The following PCDHA2 variants were observed in gnomAD, a reference collection of about 807,000 sequenced individuals.
PCDHA2 encodes protocadherin alpha-2.
A neutral mutation model predicts 66.0 loss-of-function variants in PCDHA2; 58 were observed. The ratio of observed to expected loss-of-function variants is 0.88; its 90% CI spans 0.71 to 1.09. The LOEUF (loss-of-function observed/expected upper bound fraction) is 1.09, where lower values mean the gene tolerates loss of function less well. Ranked by LOEUF, PCDHA2 falls within the 50% of genes least tolerant of loss-of-function variation. PCDHA2 has a pLI of 0.00. For synonymous variants in PCDHA2, 634 were observed against 554.0 expected (o/e 1.14, Z -2.03); for missense variants, 1,267 against 1,242.3 (o/e 1.02, Z -0.30).
chr5:140,970,222 C>T (rs1270140969), intron 1 of PCDHA2, among the ~76,000 whole-genome samples: 2 of 152,134 alleles, frequency 1.3e-5, no homozygotes, highest in Non-Finnish European at 2.9e-5. Context: ...TAAATGCAGC[C>T]TGTAATCTTC....
rs782673398 is a variant in PCDHA2, at chr5:140,875,932, C to A, written c.2388+78580C>A. ...TGCGCCTCTGGACTCTCATTTTCCTCTAGAGGGCGCTTCTGATGCGGATAT... is the reference window on the plus strand; with the variant it reads ...TGCGCCTCTGGACTCTCATTTTCCTATAGAGGGCGCTTCTGATGCGGATAT... On this transcript the variant is annotated intron_variant, in intron 1 of 3. Coordinates refer to ENST00000526136, the MANE Select transcript of PCDHA2 (RefSeq NM_018905.3). The A allele has an allele frequency of 3.1e-6, 5 of 1,614,154 alleles. No individual in the cohort carries two copies.
rs574855184 is a variant in PCDHA2 at position 140,890,340 on chromosome 5, G to C, written c.2389-88609G>C. ...TTTAAGATATTAGGTAGTTGGGATG[G>C]TTTACTATATAGCAATGGATAACCT... On this transcript the variant is annotated intron_variant, in intron 1 of 3. Coordinates refer to ENST00000526136, the MANE Select transcript of PCDHA2 (RefSeq NM_018905.3). 9.1e-4 allele frequency among the ~76,000 whole-genome samples: 139 copies of C among 152,222 alleles called. 2 individuals are homozygous for C. The Middle Eastern group carries it at 0.017, about 19-fold the overall frequency.
At position 140,876,037 on chromosome 5, in the gene PCDHA2, A is replaced by G. The variant is rs1554168212; in HGVS notation, c.2388+78685A>G. On this transcript the variant is annotated intron_variant, in intron 1 of 3. Transcript: ENST00000526136. ...TAAAATAAAAACAAAAAAAGATAAA[A>G]GTATATTGCCTGAATTAGTTCTTCG... is the stretch of plus-strand genomic sequence containing the variant. 1.9e-6 allele frequency: 3 copies of G among 1,613,766 alleles called. No homozygotes were observed. Among genetic ancestry groups the G allele is most frequent in the South Asian group, 2.2e-5 (2 of 91,050 alleles).
intron 1 of PCDHA2, among the ~76,000 whole-genome samples, chr5:140,933,844 G>A (rs2089450133): frequency 6.6e-6 from 1 of 151,910 alleles, no homozygotes; most frequent in South Asian, 2.1e-4. Context: ...TTTCATTCCT[G>A]TACCTTTAAT....
chr5:140,841,750 A>G (rs1554138520), intron 1 of PCDHA2: 6 of 1,613,798 alleles, frequency 3.7e-6, no homozygotes, highest in Non-Finnish European at 5.1e-6. Context: ...TGTTTGTTTC[A>G]GAATCCAGAA....
chr5:141,009,298 T>C (rs1196659486), intron 3 of PCDHA2, among the ~76,000 whole-genome samples: 1 of 152,130 alleles, frequency 6.6e-6, no homozygotes, highest in Non-Finnish European at 1.5e-5. Context: ...CTATAAAATT[T>C]TTTTTAAAAA....
At chr5:140,887,204 C>T (rs1438790748) in intron 1 of PCDHA2, among the ~76,000 whole-genome samples, 7 of 151,828 alleles carry the variant, frequency 4.6e-5, no homozygotes, top group African/African-American at 1.5e-4. Flanking sequence ...TCACGCCATT[C>T]TCCTGCCTCA....
intron 1 of PCDHA2, chr5:140,882,358 G>A: frequency 1.9e-6 from 3 of 1,614,232 alleles, no homozygotes; most frequent in Non-Finnish European, 2.5e-6. Context: ...GTAGTGGCCA[G>A]CTCCACTACT....
intron 1 of PCDHA2, among the ~76,000 whole-genome samples, chr5:140,955,510 T>G (rs1554221967): frequency 6.6e-6 from 1 of 152,154 alleles, no homozygotes; most frequent in Non-Finnish European, 1.5e-5. Context: ...AAAGACGTGT[T>G]TGCTTTCCCT....
intron 1 of PCDHA2, chr5:140,836,978 G>A (rs1774847497): frequency 2.7e-6 from 1 of 370,178 alleles, no homozygotes; most frequent in Admixed American, 4.2e-5. Context: ...TCCATTTTTG[G>A]AGGAGGACTT....
intron 1 of PCDHA2, chr5:140,809,212 G>T (rs781882644): frequency 2.5e-6 from 4 of 1,614,036 alleles, no homozygotes; most frequent in South Asian, 1.1e-5. Flanking sequence ...GTGGACAGGC[G>T]CCAAAGGCCT....
rs200597765 is a variant in PCDHA2, at chr5:140,848,761, G to T, written c.2388+51409G>T. 1.1e-5 allele frequency: 18 copies of T among 1,593,344 alleles called. 1 individual carries two copies. The highest frequency in any genetic ancestry group is 1.0e-4 in the Admixed American group (6 of 59,114). On this transcript the variant is annotated intron_variant, in intron 1 of 3. Coordinates refer to ENST00000526136, the MANE Select transcript of PCDHA2 (RefSeq NM_018905.3). ...AATGGCATTTTGTTTGTGAATTCTCGGATCGACCGCGAGGAGCTGTGCGGG... is the reference window on the plus strand; with the variant it reads ...AATGGCATTTTGTTTGTGAATTCTCTGATCGACCGCGAGGAGCTGTGCGGG...
At chr5:140,928,641 G>A in intron 1 of PCDHA2, 1 of 1,614,196 alleles carries the variant, frequency 6.2e-7, no homozygotes, top group Non-Finnish European at 8.5e-7. Context: ...TCACAAAAGT[G>A]GTAGCAGAGG....
chr5:140,867,596 G>C (rs1388910756), intron 1 of PCDHA2: 2 of 152,076 alleles, frequency 1.3e-5, no homozygotes, highest in African/African-American at 2.4e-5. Context: ...TTAGATTGGA[G>C]ATAAACCATC....
At chr5:140,927,764 G>T (rs2084612834) in intron 1 of PCDHA2, 1 of 1,614,092 alleles carries the variant, frequency 6.2e-7, no homozygotes. Flanking sequence ...CCTAAAAGTG[G>T]GGAGGTGCAA....
chr5:140,967,927 C>T (rs782426020), intron 1 of PCDHA2: 3 of 1,614,228 alleles, frequency 1.9e-6, no homozygotes, highest in Non-Finnish European at 2.5e-6. Context: ...TGGCCGTTCT[C>T]AGTGTCAATG....
chr5:140,959,061 A>G (rs1434123552), intron 1 of PCDHA2, among the ~76,000 whole-genome samples: 2 of 152,126 alleles, frequency 1.3e-5, no homozygotes, highest in Non-Finnish European at 2.9e-5. Flanking sequence ...AATGCAGTAT[A>G]TATAGAATTC....
Position 140,927,380 on chromosome 5 carries a change from T to A in PCDHA2, c.2389-51569T>A, listed in dbSNP as rs1245076146. 1 of 1,614,198 alleles carries A rather than the reference T, an allele frequency of 6.2e-7. No individual in the cohort carries two copies. Among genetic ancestry groups the A allele is most frequent in the African/African-American group, 1.3e-5 (1 of 75,060 alleles). On this transcript the variant is annotated intron_variant, in intron 1 of 3. Transcript: ENST00000526136. ...AGCAATGGGATACTAAGCTACAGCCTAAGCCCCAGTCAGCACTTTCGCCTG... is the reference window on the plus strand; with the variant it reads ...AGCAATGGGATACTAAGCTACAGCCAAAGCCCCAGTCAGCACTTTCGCCTG...
At chr5:140,959,754 T>C (rs1265254392) in intron 1 of PCDHA2, among the ~76,000 whole-genome samples, 1 of 152,222 alleles carries the variant, frequency 6.6e-6, no homozygotes, top group East Asian at 1.9e-4. Flanking sequence ...TAAAGTATAT[T>C]TTAATATTCA....
Sources: gnomAD v4.1 joint callset for allele counts (sites outside exome capture counted in the v4.1 genomes callset) on GRCh38, gnomAD v4.1.1 for gene constraint, MANE v1.5 for transcripts, NCBI Gene and HGNC (gene_info 2026-07-23, HGNC 2026-07-21) for gene names.